ELOVL7: variants seen among roughly 807,000 people sequenced by gnomAD.
The protein encoded by ELOVL7 is very long chain fatty acid elongase 7.
A neutral mutation model predicts 35.7 loss-of-function variants in ELOVL7; 27 were observed. That is an observed-to-expected ratio of 0.76 (90% CI 0.56 to 1.04). ELOVL7 has a LOEUF of 1.04. Ranked by LOEUF, ELOVL7 falls within the 50% of genes least tolerant of loss-of-function variation. ELOVL7 has a pLI of 0.00. For synonymous variants in ELOVL7, 113 were observed against 114.6 expected (o/e 0.99, Z 0.09); for missense variants, 327 against 340.8 (o/e 0.96, Z 0.32).
intron 6 of ELOVL7, 62 bp from the exon 7 acceptor site, chr5:60,764,394 T>TA: frequency 7.8e-7 from 1 of 1,289,820 alleles, no homozygotes; most frequent in Non-Finnish European, 1.1e-6. Context: ...TTGAGTATTA[T>TA]AAAAAATATT....
At chr5:60,796,571 G>T (rs931064339) in intron 2 of ELOVL7, among the ~76,000 whole-genome samples, 2 of 152,152 alleles carry the variant, frequency 1.3e-5, no homozygotes, top group Non-Finnish European at 2.9e-5. Flanking sequence ...GAGAACTATT[G>T]TTCTAAAGGA....
intron 1 of ELOVL7, among the ~76,000 whole-genome samples, chr5:60,810,498 T>C (rs889529444): frequency 2.0e-4 from 31 of 152,240 alleles, no homozygotes; most frequent in African/African-American, 6.0e-4. Context: ...AAACTGATGA[T>C]AGATTTGCCC....
chr5:60,787,177 T>C (rs1743649555), intron 3 of ELOVL7, among the ~76,000 whole-genome samples, 157 bp downstream of exon 3: 1 of 152,170 alleles, frequency 6.6e-6, no homozygotes, highest in South Asian at 2.1e-4. Flanking sequence ...TTTGTACATA[T>C]CTGTAATGAA....
intron 1 of ELOVL7, among the ~76,000 whole-genome samples, chr5:60,835,080 C>T (rs1746708863): frequency 2.0e-5 from 3 of 150,978 alleles, no homozygotes; most frequent in Admixed American, 2.0e-4. Flanking sequence ...GTCCCAGTTA[C>T]ACGGGAGACT....
In ELOVL7 at chr5:60,752,615, C is replaced by T. The variant is rs1458394105; in HGVS notation, c.*2009G>A. Reference sequence around the variant, plus strand: ...GTGGAATAAATTAGAGCAGCAGTTTCATTTAGCTGTGCTCTTTTGTCCTTC... The same window carrying T: ...GTGGAATAAATTAGAGCAGCAGTTTTATTTAGCTGTGCTCTTTTGTCCTTC... On this transcript the variant is annotated 3_prime_UTR_variant, in exon 9 of 9. Coordinates refer to ENST00000508821, the MANE Select transcript of ELOVL7 (RefSeq NM_024930.3). 1 of 152,552 alleles carries T rather than the reference C, an allele frequency of 6.6e-6. No homozygotes were observed. The highest frequency in any genetic ancestry group is 1.5e-5 in the Non-Finnish European group (1 of 68,020). The allele number at this position is 152,552 out of a possible 1,614,324, so 9.4% of individuals were successfully genotyped here.
intron 1 of ELOVL7, among the ~76,000 whole-genome samples, chr5:60,806,791 TG>T (rs1209199546): frequency 6.6e-6 from 1 of 152,112 alleles, no homozygotes; most frequent in Non-Finnish European, 1.5e-5. Flanking sequence ...ACACCCATGC[TG>T]GGGAAATAGA....
At chr5:60,783,768 C>T (rs1743400113) in intron 3 of ELOVL7, among the ~76,000 whole-genome samples, 1 of 152,094 alleles carries the variant, frequency 6.6e-6, no homozygotes, top group South Asian at 2.1e-4. Flanking sequence ...TATAAACCTT[C>T]ATAAAAGGAT....
At chr5:60,843,847 G>T (rs1747334988) in intron 1 of ELOVL7, among the ~76,000 whole-genome samples, 1 of 151,934 alleles carries the variant, frequency 6.6e-6, no homozygotes, top group Admixed American at 6.6e-5. Flanking sequence ...TCGGGATGCT[G>T]CCGGGTGGGG....
intron 1 of ELOVL7, among the ~76,000 whole-genome samples, chr5:60,828,866 A>T (rs991797547): frequency 1.3e-5 from 2 of 152,192 alleles, no homozygotes; most frequent in Admixed American, 1.3e-4. Flanking sequence ...TTTAGTCATA[A>T]CAAAGTGGTG....
chr5:60,827,834 C>T (rs982565154), intron 1 of ELOVL7, among the ~76,000 whole-genome samples: 1 of 152,122 alleles, frequency 6.6e-6, no homozygotes, highest in African/African-American at 2.4e-5. Flanking sequence ...GTTTTGGTAC[C>T]ACAACCCACC....
At chr5:60,788,878 A>T (rs984363457) in intron 2 of ELOVL7, among the ~76,000 whole-genome samples, 1 of 152,238 alleles carries the variant, frequency 6.6e-6, no homozygotes, top group Admixed American at 6.5e-5. Flanking sequence ...TTACGTAAGT[A>T]TAGGTAAAAT....
chr5:60,805,384 C>G (rs962543361), intron 1 of ELOVL7, among the ~76,000 whole-genome samples: 1 of 152,128 alleles, frequency 6.6e-6, no homozygotes, highest in Non-Finnish European at 1.5e-5. Flanking sequence ...ATAGGAAGAT[C>G]AAGACAGGAA....
intron 2 of ELOVL7, among the ~76,000 whole-genome samples, chr5:60,787,883 C>T (rs891383843): frequency 6.6e-6 from 1 of 152,022 alleles, no homozygotes; most frequent in South Asian, 2.1e-4. Flanking sequence ...ATAAAGTCAT[C>T]TATATGCAAA....
At chr5:60,821,824 C>T (rs923604403) in intron 1 of ELOVL7, among the ~76,000 whole-genome samples, 2 of 152,220 alleles carry the variant, frequency 1.3e-5, no homozygotes, top group African/African-American at 2.4e-5. Context: ...GCTTGTTGAA[C>T]AAGGCATAGA....
intron 3 of ELOVL7, among the ~76,000 whole-genome samples, chr5:60,780,028 C>T (rs923264167): frequency 6.6e-6 from 1 of 152,074 alleles, no homozygotes; most frequent in African/African-American, 2.4e-5. Flanking sequence ...TCTGAGACCA[C>T]CTCAGCCTGA....
At chr5:60,809,710 TAAGGCAA>T (rs1745138155) in intron 1 of ELOVL7, among the ~76,000 whole-genome samples, 1 of 152,232 alleles carries the variant, frequency 6.6e-6, no homozygotes, top group Admixed American at 6.5e-5. Context: ...TGTATATGCC[TAAGGCAA>T]AAGCTTTGAT....
chr5:60,787,508 T>C (rs900665656), intron 2 of ELOVL7, 77 bp from the exon 3 acceptor site: 5 of 764,322 alleles, frequency 6.5e-6, no homozygotes, highest in Non-Finnish European at 9.9e-6. Flanking sequence ...ATACATTATT[T>C]AAAATGCTAA....
intron 1 of ELOVL7, among the ~76,000 whole-genome samples, chr5:60,834,190 G>A (rs1296614835): frequency 6.6e-6 from 1 of 151,910 alleles, no homozygotes; most frequent in Non-Finnish European, 1.5e-5. Context: ...CGCCCAGGCT[G>A]GAGTGCAGTG....
Position 60,754,367 on chromosome 5 carries a change from C to T in ELOVL7, c.*257G>A, listed in dbSNP as rs1741405436. 2.3e-6 allele frequency: 1 copy of T among 431,790 alleles called. No individual in the cohort carries two copies. The highest frequency in any genetic ancestry group is 4.2e-6 in the Non-Finnish European group (1 of 238,666). The allele number at this position is 431,790 out of a possible 1,614,324, so 26.7% of individuals were successfully genotyped here. A position where few individuals can be genotyped will look rare whatever the true frequency, so the allele number is the denominator to read the frequency against. ...CTGCAACAAAATGTTTTAAACAAAA[C>T]CTTTGGATTAGGTTTAAAAGCAGCT... On this transcript the variant is annotated 3_prime_UTR_variant, in exon 9 of 9. Transcript: ENST00000508821.
Sources: gnomAD v4.1 joint callset for allele counts (sites outside exome capture counted in the v4.1 genomes callset) on GRCh38, gnomAD v4.1.1 for gene constraint, MANE v1.5 for transcripts, NCBI Gene and HGNC (gene_info 2026-07-23, HGNC 2026-07-21) for gene names.